NRG2: variants seen among roughly 807,000 people sequenced by gnomAD.
The protein encoded by NRG2 is pro-neuregulin-2, membrane-bound isoform.
In NRG2, 27 loss-of-function variants were observed where a neutral mutation model predicts 73.9. The ratio of observed to expected loss-of-function variants is 0.37; its 90% CI spans 0.27 to 0.50. The LOEUF (loss-of-function observed/expected upper bound fraction) is 0.50. Ranked by LOEUF, NRG2 falls within the 20% of genes least tolerant of loss-of-function variation. The probability of loss-of-function intolerance (pLI) is 0.96; values close to 1 mark genes in which losing one functional copy is unlikely to be tolerated. For synonymous variants in NRG2, 532 were observed against 541.0 expected (o/e 0.98, Z 0.23); for missense variants, 1,126 against 1,210.1 (o/e 0.93, Z 1.03).
intron 1 of NRG2, among the ~76,000 whole-genome samples, chr5:139,919,973 G>A (rs949634853): frequency 2.6e-5 from 4 of 152,164 alleles, no homozygotes; most frequent in Non-Finnish European, 5.9e-5. Flanking sequence ...ACTTGCTTAG[G>A]TTCATAACAA....
In NRG2 at chr5:139,851,881, G is replaced by T; in HGVS notation, c.1545-50C>A. ...CGAGGGGTCAGGAAGGGGCAGGGCG[G>T]CCCAGCAGGTGTGGTCCCATGGACC... On this transcript the variant is annotated intron_variant, in intron 8 of 9. Coordinates refer to ENST00000361474, the MANE Select transcript of NRG2 (RefSeq NM_004883.3). This position sits in a 1 kb window ranked among gnomAD's most constrained non-coding sequence, Gnocchi z 4.2. 2 of 1,552,596 alleles carry T rather than the reference G, an allele frequency of 1.3e-6. No individual in the cohort carries two copies. The highest frequency in any genetic ancestry group is 1.8e-6 in the Non-Finnish European group (2 of 1,133,014).
chr5:139,974,180 A>G (rs1366061162), intron 1 of NRG2, among the ~76,000 whole-genome samples: 2 of 152,144 alleles, frequency 1.3e-5, no homozygotes, highest in Non-Finnish European at 2.9e-5. Context: ...GCTTAGAAAT[A>G]TATACTCCCC....
rs990628389 is a variant in NRG2 at position 139,851,445 on chromosome 5, G to C, written c.1772+159C>G. Among the ~76,000 whole-genome samples, 11 of 152,206 alleles carry C rather than the reference G, an allele frequency of 7.2e-5. No homozygotes were observed. Among genetic ancestry groups the C allele is most frequent in the Non-Finnish European group, 1.3e-4 (9 of 68,048 alleles). ...CTGTCATTAACATGCCGATGGCTCT[G>C]AGCAGGCCATTTCACCTTTTCTAGG... On this transcript the variant is annotated intron_variant, in intron 9 of 9. Coordinates refer to ENST00000361474, the MANE Select transcript of NRG2 (RefSeq NM_004883.3). The surrounding 1 kb of genome is among the most constrained non-coding windows in gnomAD (Gnocchi z 4.2).
chr5:139,934,891 G>A (rs757058050), intron 1 of NRG2, among the ~76,000 whole-genome samples: 10 of 152,156 alleles, frequency 6.6e-5, no homozygotes, highest in South Asian at 2.1e-4. Flanking sequence ...CTGGCCGGGC[G>A]CGGTGGCTCA....
At chr5:139,948,142 A>C (rs549090812) in intron 1 of NRG2, among the ~76,000 whole-genome samples, 5 of 152,236 alleles carry the variant, frequency 3.3e-5, no homozygotes, top group South Asian at 2.1e-4. Context: ...TACTCTAGGC[A>C]CCTCATATCA....
At chr5:139,999,003 G>C (rs1257115017) in intron 1 of NRG2, among the ~76,000 whole-genome samples, 11 of 152,060 alleles carry the variant, frequency 7.2e-5, no homozygotes, top group Admixed American at 7.2e-4. Context: ...TCCACTTCCT[G>C]CTTGAAAGTC....
At chr5:139,989,280 A>G (rs1051569321) in intron 1 of NRG2, among the ~76,000 whole-genome samples, 3 of 151,996 alleles carry the variant, frequency 2.0e-5, no homozygotes, top group Non-Finnish European at 1.5e-5. Context: ...TCATCTGGAT[A>G]CTAAACATCT....
chr5:139,877,794 C>T (rs751860585), intron 3 of NRG2, among the ~76,000 whole-genome samples: 19 of 152,212 alleles, frequency 1.2e-4, no homozygotes, highest in Non-Finnish European at 2.2e-4. Context: ...AGCCCCACAA[C>T]GGGAAAACCA....
chr5:139,975,564 T>C (rs746305816), intron 1 of NRG2, among the ~76,000 whole-genome samples: 10 of 152,218 alleles, frequency 6.6e-5, no homozygotes, highest in Non-Finnish European at 1.2e-4. Flanking sequence ...AGTAACCCTA[T>C]GGGCAGTCCT....
intron 1 of NRG2, among the ~76,000 whole-genome samples, chr5:139,953,543 G>A (rs902595532): frequency 1.3e-5 from 2 of 152,080 alleles, no homozygotes; most frequent in Non-Finnish European, 2.9e-5. Context: ...AAGACTCAAC[G>A]CAAGGCTATC....
At chr5:139,910,597 C>T (rs947459008) in intron 1 of NRG2, among the ~76,000 whole-genome samples, 15 of 152,198 alleles carry the variant, frequency 9.9e-5, no homozygotes, top group African/African-American at 3.1e-4. Flanking sequence ...GAAATGAGGA[C>T]GCTTGAAAAG....
At chr5:139,849,399 A>T (rs1383512507) in intron 9 of NRG2, among the ~76,000 whole-genome samples, 1 of 152,172 alleles carries the variant, frequency 6.6e-6, no homozygotes, top group Non-Finnish European at 1.5e-5. Flanking sequence ...CTTACAGTGA[A>T]GTCAAAACCT....
rs577886008 is a variant in NRG2, at chr5:139,870,174, C to T, written c.1112+1547G>A. Among the ~76,000 whole-genome samples, 6 of 152,274 alleles carry T rather than the reference C, an allele frequency of 3.9e-5. No homozygotes were observed. Among genetic ancestry groups the T allele is most frequent in the African/African-American group, 1.4e-4 (6 of 41,534 alleles). On this transcript the variant is annotated intron_variant, in intron 4 of 9. Coordinates refer to ENST00000361474, the MANE Select transcript of NRG2 (RefSeq NM_004883.3). The surrounding 1 kb of genome is among the most constrained non-coding windows in gnomAD (Gnocchi z 4.4). Reference sequence around the variant, plus strand: ...TAGATCTGTTCCAAAGAACTCTGAGCAAGTTTCACAGCTAGAATGTTCCCT... The same window carrying T: ...TAGATCTGTTCCAAAGAACTCTGAGTAAGTTTCACAGCTAGAATGTTCCCT...
chr5:140,008,725 C>T lies in NRG2; in HGVS notation c.700+33645G>A, dbSNP rs879747432. On this transcript the variant is annotated intron_variant, in intron 1 of 9. Transcript: ENST00000361474. The surrounding 1 kb of genome is among the most constrained non-coding windows in gnomAD (Gnocchi z 4.2). ...CTCTCAGTCGGGGAGAAATAACTGA[C>T]AAATGATATGACCAGAGACTCAACT... is the stretch of plus-strand genomic sequence containing the variant. Among the ~76,000 whole-genome samples, 2 of 152,156 alleles carry T rather than the reference C, an allele frequency of 1.3e-5. No individual in the cohort carries two copies. Among genetic ancestry groups the T allele is most frequent in the Non-Finnish European group, 2.9e-5 (2 of 68,032 alleles).
chr5:139,996,283 A>C (rs1224323660), intron 1 of NRG2, among the ~76,000 whole-genome samples: 1 of 152,214 alleles, frequency 6.6e-6, no homozygotes, highest in African/African-American at 2.4e-5. Context: ...CTTTGATGTC[A>C]ATAAATAAAC....
chr5:140,018,786 T>G (rs2126662140), intron 1 of NRG2, among the ~76,000 whole-genome samples: 1 of 152,296 alleles, frequency 6.6e-6, no homozygotes. Context: ...CCAATCCAGA[T>G]CCTGCTCCTG....
chr5:139,949,795 T>C (rs1425529074), intron 1 of NRG2, among the ~76,000 whole-genome samples: 10 of 152,202 alleles, frequency 6.6e-5, no homozygotes, highest in Non-Finnish European at 7.3e-5. Flanking sequence ...TGGCTAGGTG[T>C]TCATATTTAC....
chr5:139,994,447 C>T lies in NRG2; in HGVS notation c.700+47923G>A, dbSNP rs535373519. ...AGGCTAGTGGAATTAAACAGTTCAG[C>T]ATATGTGATATCACAGCATGGTTCT... On this transcript the variant is annotated intron_variant, in intron 1 of 9. Coordinates refer to ENST00000361474, the MANE Select transcript of NRG2 (RefSeq NM_004883.3). Among the ~76,000 whole-genome samples, 16 of 152,304 alleles carry T rather than the reference C, an allele frequency of 1.1e-4. No individual in the cohort carries two copies. In the South Asian group the frequency reaches 3.1e-3, roughly 30 times the overall value.
chr5:140,032,948 G>A (rs1761259918), intron 1 of NRG2, among the ~76,000 whole-genome samples: 1 of 152,220 alleles, frequency 6.6e-6, no homozygotes, highest in Middle Eastern at 3.4e-3. Context: ...AATTGTATGG[G>A]TATTAAATGA....
Sources: allele counts gnomAD v4.1 joint callset (sites outside exome capture counted in the v4.1 genomes callset), GRCh38; gene constraint gnomAD v4.1.1; non-coding constraint Gnocchi (gnomAD v3.1); transcripts MANE v1.5; gene names NCBI Gene and HGNC (gene_info 2026-07-23, HGNC 2026-07-21).